Variants in ACACA observed in about 807,000 individuals in gnomAD.
The protein encoded by ACACA is acetyl-CoA carboxylase 1.
In ACACA, 103 loss-of-function variants were observed where a neutral mutation model predicts 296.1. The ratio of observed to expected loss-of-function variants is 0.35; its 90% confidence interval spans 0.30 to 0.41. ACACA has a LOEUF of 0.41. ACACA is among the 10% of genes least tolerant of loss of function. The pLI is 1.00. For missense variants in ACACA, 1,554 were observed against 2,989.7 expected, an observed-to-expected ratio of 0.52 and a Z score of 11.20; for synonymous variants, 953 against 1,038.6, an observed-to-expected ratio of 0.92 and a Z score of 1.58.
intron 10 of ACACA, among the ~76,000 whole-genome samples, chr17:37,268,688 C>T (rs555783466): frequency 1.4e-5 from 2 of 147,454 alleles, no homozygotes; most frequent in East Asian, 2.0e-4. Context: ...TCTCTAATGC[C>T]GTAAAATGTA....
Position 37,086,113 on chromosome 17 carries a change from G to C in ACACA, c.*1203C>G, listed in dbSNP as rs879833141. The C allele has an allele frequency of 7.4e-6, 2 of 271,004 alleles. No homozygotes were observed. The highest frequency in any genetic ancestry group is 5.4e-5 in the Admixed American group (1 of 18,582). The allele number at this position is 271,004 out of a possible 1,614,324, so 16.8% of individuals were successfully genotyped here. ...ATGACTGAGTTGTAAATAATCTTAAGGTCATGTGGATTCTGTGTTTCCTGG... is the reference window on the plus strand; with the variant it reads ...ATGACTGAGTTGTAAATAATCTTAACGTCATGTGGATTCTGTGTTTCCTGG... On this transcript the variant is annotated 3_prime_UTR_variant, in exon 56 of 56. Transcript: ENST00000616317.
intron 45 of ACACA, among the ~76,000 whole-genome samples, chr17:37,132,718 T>TTAGA (rs2075159395): frequency 1.3e-5 from 2 of 152,166 alleles, no homozygotes; most frequent in Non-Finnish European, 2.9e-5. Context: ...GTCCAACCAC[T>TTAGA]TAGAATCTTA....
At chr17:37,102,395 T>C (rs772063582) in intron 52 of ACACA, among the ~76,000 whole-genome samples, 8 of 152,020 alleles carry the variant, frequency 5.3e-5, no homozygotes, top group Non-Finnish European at 1.0e-4. Flanking sequence ...CATAGAGATT[T>C]GGTTTTACCA....
chr17:37,251,360 T>G (rs767653213), intron 16 of ACACA, among the ~76,000 whole-genome samples: 5 of 152,204 alleles, frequency 3.3e-5, no homozygotes, highest in African/African-American at 7.2e-5. Flanking sequence ...GAAATCTCAG[T>G]TCAATTTTTA....
intron 1 of ACACA, among the ~76,000 whole-genome samples, chr17:37,398,222 T>C (rs1291880857): frequency 3.1e-5 from 3 of 97,320 alleles, no homozygotes; most frequent in Admixed American, 1.1e-4. Flanking sequence ...AGAGCGAGAC[T>C]CTGTCTCAAA....
At position 37,389,230 on chromosome 17, in the gene ACACA, C is replaced by T. The variant is rs372283806; in HGVS notation, c.38+17032G>A. The T allele has an allele frequency of 1.2e-4, 194 of 1,565,182 alleles. 1 individual carries two copies. The highest frequency in any genetic ancestry group is 9.0e-4 in the South Asian group (76 of 84,682). ...CCAGCCACTTCATATTAATACCAGT[C>T]ATTTTCTCCCTTCAGTATCAATGCC... On this transcript the variant is annotated intron_variant, in intron 1 of 55. Coordinates refer to ENST00000616317, the MANE Select transcript of ACACA (RefSeq NM_198834.3).
rs1312948485 is a variant in ACACA, at chr17:37,263,914, A to G, written c.1120-20T>C. ...TTGAACCTGTATTAGAAAAGGGGGAAAAAAAAAACCAATTCTTAAATTTTA... is the reference window on the plus strand; with the variant it reads ...TTGAACCTGTATTAGAAAAGGGGGAGAAAAAAAACCAATTCTTAAATTTTA... On this transcript the variant is annotated intron_variant, in intron 10 of 55. Transcript: ENST00000616317. 6 of 1,601,226 alleles carry G rather than the reference A, an allele frequency of 3.7e-6. No individual in the cohort carries two copies. Among genetic ancestry groups the G allele is most frequent in the Non-Finnish European group, 5.1e-6 (6 of 1,170,802 alleles).
intron 16 of ACACA, among the ~76,000 whole-genome samples, chr17:37,249,684 AT>A (rs1481568632): frequency 6.6e-6 from 1 of 152,256 alleles, no homozygotes; most frequent in Non-Finnish European, 1.5e-5. Context: ...ACTTTAAAAA[AT>A]ATACTGTTGA....
intron 41 of ACACA, among the ~76,000 whole-genome samples, chr17:37,179,019 CTT>C (rs2077222496): frequency 6.6e-6 from 1 of 152,118 alleles, no homozygotes; most frequent in Non-Finnish European, 1.5e-5. Context: ...AACAATATTC[CTT>C]TTTATTTTTT....
chr17:37,394,960 A>G (rs1032296337), intron 1 of ACACA, among the ~76,000 whole-genome samples: 2 of 151,744 alleles, frequency 1.3e-5, no homozygotes, highest in African/African-American at 4.8e-5. Flanking sequence ...CTTTTAGAAA[A>G]TACTCAAAAG....
At chr17:37,217,318 T>C (rs140528030) in intron 29 of ACACA, among the ~76,000 whole-genome samples, 18 of 148,620 alleles carry the variant, frequency 1.2e-4, no homozygotes, top group African/African-American at 4.2e-4. Flanking sequence ...CACAATGAGA[T>C]TGCAGTCTTG....
intron 16 of ACACA, 57 bp from the exon 17 acceptor site, chr17:37,248,731 C>A: frequency 8.1e-7 from 1 of 1,236,644 alleles, no homozygotes; most frequent in South Asian, 1.2e-5. Flanking sequence ...ATAAGAGAAT[C>A]TAAAACATTA....
chr17:37,355,668 C>T (rs1198231428), intron 1 of ACACA, among the ~76,000 whole-genome samples: 1 of 151,662 alleles, frequency 6.6e-6, no homozygotes, highest in Non-Finnish European at 1.5e-5. Flanking sequence ...CCAGCCTGAC[C>T]AACATGGAGA....
chr17:37,258,282 T>A lies in ACACA; in HGVS notation c.1592A>T (p.Asp531Val). The change falls in exon 13 of 56, where the codon GAT becomes GTT. Residue 531 changes from aspartate (D) to valine (V), a missense_variant. Transcript: ENST00000616317. ...CCTTGGACAAGGAACGTGTGCAGAA[T>A]CTTCAAAATCAATGGGAGAATCACC... The part of the protein sequence containing the change: ...PWGDSPIDFE[D>V]SAHVPCPRGH... The A allele has an allele frequency of 6.2e-7, 1 of 1,614,076 alleles. No homozygotes were observed. Among genetic ancestry groups the A allele is most frequent in the South Asian group, 1.1e-5 (1 of 91,074 alleles).
At chr17:37,359,257 G>C (rs1028772497) in intron 1 of ACACA, 1 of 634,528 alleles carries the variant, frequency 1.6e-6, no homozygotes, top group Non-Finnish European at 2.0e-6. Flanking sequence ...ACCCCGCTCC[G>C]GGCTGCGGCG....
chr17:37,311,446 A>G (rs1432440826), intron 3 of ACACA, among the ~76,000 whole-genome samples: 1 of 152,150 alleles, frequency 6.6e-6, no homozygotes, highest in South Asian at 2.1e-4. Context: ...ACACACATAC[A>G]TACATATGCA....
chr17:37,297,916 A>ATT (rs566581779), intron 3 of ACACA, among the ~76,000 whole-genome samples: 2 of 152,182 alleles, frequency 1.3e-5, no homozygotes, highest in African/African-American at 2.4e-5. Flanking sequence ...TTGATACTAT[A>ATT]TTATATATAT....
intron 48 of ACACA, among the ~76,000 whole-genome samples, chr17:37,123,146 T>C (rs754866690): frequency 1.3e-5 from 2 of 152,198 alleles, no homozygotes; most frequent in Non-Finnish European, 2.9e-5. Flanking sequence ...CAATAGGTCT[T>C]ACTATTAGGT....
intron 14 of ACACA, among the ~76,000 whole-genome samples, chr17:37,257,208 G>A (rs2081266425): frequency 6.6e-6 from 1 of 152,000 alleles, no homozygotes; most frequent in Non-Finnish European, 1.5e-5. Context: ...TTCATAATAT[G>A]AGCAGTATAA....
Sources: gnomAD v4.1 joint callset for allele counts (sites outside exome capture counted in the v4.1 genomes callset) on GRCh38, gnomAD v4.1.1 for gene constraint, MANE v1.5 for transcripts, NCBI Gene and HGNC (gene_info 2026-07-23, HGNC 2026-07-21) for gene names.